TRIM25: variants seen among roughly 807,000 people sequenced by gnomAD.
TRIM25 encodes E3 ubiquitin/ISG15 ligase TRIM25.
In TRIM25, 45 loss-of-function variants were observed where a neutral mutation model predicts 65.2. The observed-to-expected ratio is 0.69, with a 90% CI of 0.54 to 0.89. TRIM25 has a LOEUF of 0.89. Among genes scored for constraint, TRIM25 ranks in the 40% least tolerant of loss-of-function variants. The pLI, the probability that TRIM25 is intolerant of heterozygous loss-of-function variation, is 0.00. For missense variants in TRIM25, 714 were observed against 803.7 expected (o/e 0.89, Z 1.35); for synonymous variants, 321 against 340.4 (o/e 0.94, Z 0.63).
chr17:56,904,178 G>T, intron 3 of TRIM25, 77 bp downstream of exon 3: 1 of 1,256,652 alleles, frequency 8.0e-7, no homozygotes. Flanking sequence ...CCCGCTCCTT[G>T]AGGGCCCTAT....
In TRIM25 at chr17:56,891,550, T is replaced by TCCCCCCCCCCCCCCCCCCCCCCC; in HGVS notation, c.*149_*150insGGGGGGGGGGGGGGGGGGGGGGG. 1 of 572,756 alleles carries TCCCCCCCCCCCCCCCCCCCCCCC rather than the reference T, an allele frequency of 1.7e-6. No individual in the cohort carries two copies. Among genetic ancestry groups the TCCCCCCCCCCCCCCCCCCCCCCC allele is most frequent in the Non-Finnish European group, 3.0e-6 (1 of 333,628 alleles). The allele number at this position is 572,756 out of a possible 1,614,324, so 35.5% of individuals were successfully genotyped here. On this transcript the variant is annotated 3_prime_UTR_variant, in exon 9 of 9. Coordinates refer to ENST00000316881, the MANE Select transcript of TRIM25 (RefSeq NM_005082.5). ...CACTCTCACCCCTTTCCTGGCTAAA[T>TCCCCCCCCCCCCCCCCCCCCCCC]CCCACCTCCCACCCTCCCGCCAGCT...
chr17:56,906,447 C>A (rs974636475), intron 2 of TRIM25, among the ~76,000 whole-genome samples: 6 of 151,966 alleles, frequency 3.9e-5, no homozygotes, highest in Non-Finnish European at 8.8e-5. Context: ...GAAAAACACA[C>A]AAGAAGGACA....
intron 8 of TRIM25, among the ~76,000 whole-genome samples, chr17:56,894,372 C>T (rs562879306): frequency 2.0e-5 from 3 of 152,340 alleles, no homozygotes; most frequent in African/African-American, 7.2e-5. Flanking sequence ...CCTCAGCCTC[C>T]CAAGTAGCTG....
chr17:56,914,025 G>A lies in TRIM25; in HGVS notation c.-37C>T. The A allele has an allele frequency of 7.0e-7, 1 of 1,425,928 alleles. No individual in the cohort carries two copies. The highest frequency in any genetic ancestry group is 9.2e-7 in the Non-Finnish European group (1 of 1,082,006). 88.3% of individuals were successfully genotyped at this position (1,425,928 alleles called of 1,614,324 possible). ...GGGTCGGGACACAACTGCTGCACCC[G>A]CGCTCCGAGGCCGCCGAGGAAACGA... On this transcript the variant is annotated 5_prime_UTR_variant, in exon 1 of 9. Transcript: ENST00000316881.
chr17:56,909,865 A>C (rs1909593684), intron 1 of TRIM25, among the ~76,000 whole-genome samples: 1 of 152,164 alleles, frequency 6.6e-6, no homozygotes, highest in Non-Finnish European at 1.5e-5. Flanking sequence ...TGCTCAGATG[A>C]ATACTGCACA....
intron 4 of TRIM25, 106 bp from the exon 5 acceptor site, chr17:56,899,286 A>G (rs1909363310): frequency 9.0e-7 from 1 of 1,107,042 alleles, no homozygotes; most frequent in East Asian, 2.5e-5. Context: ...ACAGACAGCC[A>G]TTTCCTCCGA....
chr17:56,904,610 C>A, intron 2 of TRIM25, 122 bp from the exon 3 acceptor site: 3 of 877,910 alleles, frequency 3.4e-6, no homozygotes, highest in Non-Finnish European at 5.4e-6. Flanking sequence ...GGAGAACAAA[C>A]CACTGTGGGG....
chr17:56,896,831 A>C (rs1909303758), intron 5 of TRIM25, among the ~76,000 whole-genome samples: 1 of 152,132 alleles, frequency 6.6e-6, no homozygotes, highest in Non-Finnish European at 1.5e-5. Flanking sequence ...TTGGTCAGGC[A>C]CTGTAGCTTA....
rs1323479724 is a variant in TRIM25, at chr17:56,895,927, A to G, written c.1179T>C (p.Pro393=). 2 of 1,612,666 alleles carry G rather than the reference A, an allele frequency of 1.2e-6. No homozygotes were observed. The highest frequency in any genetic ancestry group is 1.3e-5 in the African/African-American group (1 of 74,868). ...VSKEEKKSKK[P]PPVPALPSKL... is the part of the protein sequence containing the mutation. ...CAGTTGCAGAAATGCATAACTTACGAGGTTTCTTGGATTTCTTTTCCTCTT... is the reference window on the plus strand; with the variant it reads ...CAGTTGCAGAAATGCATAACTTACGGGGTTTCTTGGATTTCTTTTCCTCTT... The change falls in exon 6 of 9, where the codon CCT becomes CCC. Residue 393 remains proline (P), a splice_region_variant and synonymous_variant. Coordinates refer to ENST00000316881, the MANE Select transcript of TRIM25 (RefSeq NM_005082.5).
chr17:56,913,934 G>A lies in TRIM25; in HGVS notation c.55C>T (p.Pro19Ser). The change falls in exon 1 of 9, where the codon CCC becomes TCC. Residue 19 changes from proline to serine, a missense_variant. This residue lies in a region of TRIM25 where 291 missense variants were observed against 281.8 expected (regional missense o/e 1.03). Transcript: ENST00000316881. The surrounding 1 kb of genome is among the most constrained non-coding windows in gnomAD (Gnocchi z 6.1). Reference protein sequence around the residue: ...EELSCSICLEPFKEPVTTPCG... With the variant: ...EELSCSICLESFKEPVTTPCG... ...GGAGTGGTGACCGGCTCCTTGAAGG[G>A]CTCCAGGCAGATGGAGCACGACAGC... 6.3e-7 allele frequency: 1 copy of A among 1,585,686 alleles called. No homozygotes were observed. Among genetic ancestry groups the A allele is most frequent in the Non-Finnish European group, 8.6e-7 (1 of 1,166,688 alleles).
At chr17:56,900,213 C>CAA (rs35522005) in intron 4 of TRIM25, among the ~76,000 whole-genome samples, 27 of 145,488 alleles carry the variant, frequency 1.9e-4, no homozygotes, top group East Asian at 1.8e-3. Flanking sequence ...GACTCCGTCT[C>CAA]AAAAAAAAAA....
chr17:56,904,416 C>G lies in TRIM25; in HGVS notation c.766G>C (p.Glu256Gln). ...TEMKALLDAS[E>Q]TTSTRKIKEE... ...TTTATCTTCCTTGTCGAGGTGGTCT[C>G]TGAGGCGTCCAAGAGAGCCTTCATT... The change falls in exon 3 of 9, where the codon GAG (glutamate) becomes CAG (glutamine). Residue 256 changes from glutamate to glutamine, a missense_variant. Transcript: ENST00000316881. 6.2e-7 allele frequency: 1 copy of G among 1,614,140 alleles called. No individual in the cohort carries two copies. The highest frequency in any genetic ancestry group is 1.7e-5 in the Admixed American group (1 of 60,016).
At position 56,891,393 on chromosome 17, in the gene TRIM25, A is replaced by C; in HGVS notation, c.*307T>G. On this transcript the variant is annotated 3_prime_UTR_variant, in exon 9 of 9. Transcript: ENST00000316881. The stretch of plus-strand genomic sequence containing the variant: ...GGATTTTCTCTAAGAGGAATCGGGC[A>C]CTCATGACTTCACTTCCCAGAGCTC... The C allele has an allele frequency of 4.9e-6, 2 of 404,556 alleles. No individual in the cohort carries two copies. Among genetic ancestry groups the C allele is most frequent in the South Asian group, 2.8e-5 (1 of 36,028 alleles). 25.1% of individuals were successfully genotyped at this position (404,556 alleles called of 1,614,324 possible). A position where few individuals can be genotyped will look rare whatever the true frequency, so the allele number is the denominator to read the frequency against.
At chr17:56,901,299 C>G in intron 4 of TRIM25, 120 bp downstream of exon 4, 1 of 1,128,800 alleles carries the variant, frequency 8.9e-7, no homozygotes, top group South Asian at 1.6e-5. Flanking sequence ...GTTTCAGGAG[C>G]CCTGAAACTC....
intron 5 of TRIM25, among the ~76,000 whole-genome samples, chr17:56,897,816 C>T (rs941811387): frequency 2.6e-5 from 4 of 152,152 alleles, no homozygotes; most frequent in African/African-American, 9.7e-5. Flanking sequence ...GTCAACAGTA[C>T]CTTTCCACTT....
Position 56,891,989 on chromosome 17 carries a change from C to G in TRIM25, c.1604G>C (p.Arg535Pro), listed in dbSNP as rs367715143. ...GCCGAGCCTGCTTTCTGGGCCCTGC[C>G]GGTTCATGCTTCCGTAGCAGATGCC... ...GVGICYGSMN[R>P]QGPESRLGRN... Residue 535 changes from arginine to proline, a missense_variant, in exon 9 of 9, where the codon CGG becomes CCG. This residue lies in a region of TRIM25 where 413 missense variants were observed against 498.2 expected (regional missense o/e 0.83). Transcript: ENST00000316881. The G allele has an allele frequency of 6.2e-7, 1 of 1,614,180 alleles. No homozygotes were observed. Among genetic ancestry groups the G allele is most frequent in the African/African-American group, 1.3e-5 (1 of 75,046 alleles).
intron 1 of TRIM25, among the ~76,000 whole-genome samples, chr17:56,910,042 G>A (rs549461185): frequency 6.6e-6 from 1 of 152,260 alleles, no homozygotes; most frequent in African/African-American, 2.4e-5. Flanking sequence ...CAAGGACACT[G>A]AGGCACAGAA....
rs144255038 is a variant in TRIM25 at position 56,903,361 on chromosome 17, A to G, written c.927+894T>C. ...TTTCAGTGAGCAAGATCACACCACT[A>G]CACTCCAGCCTGAGCAACAAGAGTG... On this transcript the variant is annotated intron_variant, in intron 3 of 8. Transcript: ENST00000316881. Among the ~76,000 whole-genome samples the G allele has an allele frequency of 8.8e-3, 1,346 of 152,326 alleles. 28 individuals are homozygous for G. Among genetic ancestry groups the G allele is most frequent in the African/African-American group, 0.031 (1,286 of 41,570 alleles).
intron 3 of TRIM25, 45 bp downstream of exon 3, chr17:56,904,210 C>CAAAAA: frequency 3.1e-6 from 4 of 1,283,702 alleles, no homozygotes; most frequent in Non-Finnish European, 4.3e-6. Context: ...TGACATCAGG[C>CAAAAA]AAAAAAAAAA....
Sources: allele counts gnomAD v4.1 joint callset (sites outside exome capture counted in the v4.1 genomes callset), GRCh38; gene constraint gnomAD v4.1.1; regional missense constraint gnomAD v4.1.1; non-coding constraint Gnocchi (gnomAD v3.1); transcripts MANE v1.5; gene names NCBI Gene and HGNC (gene_info 2026-07-23, HGNC 2026-07-21).